Variants in CMSS1 observed in about 807,000 individuals in gnomAD.
CMSS1 encodes the protein cms1 ribosomal small subunit homolog.
In CMSS1, 33 loss-of-function variants were observed where a neutral mutation model predicts 43.5. The observed-to-expected ratio is 0.76, with a 90% CI of 0.57 to 1.01. CMSS1 has a LOEUF of 1.01. CMSS1 is among the 50% of genes least tolerant of loss of function. The pLI is 0.00. For missense variants in CMSS1, 313 were observed against 326.4 expected (o/e 0.96, Z 0.32); for synonymous variants, 115 against 117.2 (o/e 0.98, Z 0.12).
At chr3:99,896,017 C>T (rs183845080) in intron 1 of CMSS1, among the ~76,000 whole-genome samples, 1 of 152,220 alleles carries the variant, frequency 6.6e-6, no homozygotes, top group African/African-American at 2.4e-5. Flanking sequence ...CTGCAGGGAA[C>T]TGCCACGGTT....
In CMSS1 at chr3:100,006,521, A is replaced by AT. The variant is rs547568693; in HGVS notation, c.65-140446dup. 4.6e-3 allele frequency among the ~76,000 whole-genome samples: 692 copies of AT among 152,086 alleles called. 7 individuals carry two copies. Among genetic ancestry groups the AT allele is most frequent in the African/African-American group, 0.016 (674 of 41,472 alleles). On this transcript the variant is annotated intron_variant, in intron 1 of 9. Transcript: ENST00000421999. ...CCCAAAGTCTCCTTTTAAAAAAAGT[A>AT]TTTTTTCTATATAGTCATGAAGGCT...
In CMSS1 at chr3:99,895,605, G is replaced by A. The variant is rs190000597; in HGVS notation, c.64+77562G>A. 6.6e-5 allele frequency among the ~76,000 whole-genome samples: 10 copies of A among 152,176 alleles called. No individual in the cohort carries two copies. The East Asian group carries it at 1.7e-3, about 26-fold the overall frequency. ...CCATGGTAATTTTTTTTAACCTATA[G>A]ATTGGTTTTCGTATACCAAAAGGGG... On this transcript the variant is annotated intron_variant, in intron 1 of 9. Coordinates refer to ENST00000421999, the MANE Select transcript of CMSS1 (RefSeq NM_032359.4).
chr3:99,911,017 A>AGTTG (rs1252811756), intron 1 of CMSS1, among the ~76,000 whole-genome samples: 1 of 152,062 alleles, frequency 6.6e-6, no homozygotes, highest in African/African-American at 2.4e-5. Context: ...TCTCTTTTCC[A>AGTTG]GTTGGTTATA....
intron 1 of CMSS1, among the ~76,000 whole-genome samples, chr3:99,860,993 T>G (rs771724598): frequency 5.9e-5 from 9 of 152,218 alleles, no homozygotes; most frequent in Non-Finnish European, 1.2e-4. Context: ...GAAGGAGCTT[T>G]TAAAAAGTTA....
intron 1 of CMSS1, among the ~76,000 whole-genome samples, chr3:100,014,901 T>TA: frequency 7.0e-6 from 1 of 141,912 alleles, no homozygotes; most frequent in Non-Finnish European, 1.5e-5. Context: ...CTTTCTTTTT[T>TA]TTTTTTTTTT....
intron 1 of CMSS1, among the ~76,000 whole-genome samples, chr3:100,035,551 C>G (rs1227332183): frequency 6.6e-6 from 1 of 152,220 alleles, no homozygotes; most frequent in East Asian, 1.9e-4. Context: ...GCGTGAGACA[C>G]TGCACACAGC....
intron 1 of CMSS1, 93 bp from the exon 2 acceptor site, chr3:100,146,880 G>A: frequency 6.9e-7 from 1 of 1,446,598 alleles, no homozygotes; most frequent in Middle Eastern, 1.9e-4. Flanking sequence ...ATTAAAAAGT[G>A]AAGAGATAGA....
intron 1 of CMSS1, among the ~76,000 whole-genome samples, chr3:99,913,886 A>G (rs1365163393): frequency 6.6e-6 from 1 of 152,228 alleles, no homozygotes; most frequent in Admixed American, 6.5e-5. Flanking sequence ...TGAAGCTACA[A>G]GTTTGTCAGG....
intron 1 of CMSS1, among the ~76,000 whole-genome samples, chr3:100,118,247 G>A (rs974545589): frequency 1.3e-5 from 2 of 151,512 alleles, no homozygotes; most frequent in African/African-American, 4.8e-5. Flanking sequence ...TATGTTCTGT[G>A]TATTTACTAT....
chr3:100,132,874 C>G (rs1222017696), intron 1 of CMSS1, among the ~76,000 whole-genome samples: 3 of 147,486 alleles, frequency 2.0e-5, no homozygotes. Flanking sequence ...ATCAAATGAT[C>G]GCAAATTAGT....
intron 1 of CMSS1, among the ~76,000 whole-genome samples, chr3:99,980,113 G>A (rs565326642): frequency 6.6e-6 from 1 of 152,254 alleles, no homozygotes; most frequent in South Asian, 2.1e-4. Context: ...AATTCAGGCA[G>A]TACAGTACGG....
intron 1 of CMSS1, among the ~76,000 whole-genome samples, chr3:100,088,884 AATGTTTGTTTTTTGTT>A (rs1332680166): frequency 2.0e-5 from 3 of 151,810 alleles, no homozygotes; most frequent in South Asian, 2.1e-4. Flanking sequence ...TTGTGATGTA[AATGTTTGTTTTTTGTT>A]ATGTTTATTT....
intron 1 of CMSS1, among the ~76,000 whole-genome samples, chr3:100,029,640 A>G (rs2064988711): frequency 6.6e-6 from 1 of 152,218 alleles, no homozygotes; most frequent in African/African-American, 2.4e-5. Context: ...AATACTGAGC[A>G]GTTTACTGAC....
At chr3:99,929,950 G>A (rs1250253927) in intron 1 of CMSS1, 1 of 1,614,030 alleles carries the variant, frequency 6.2e-7, no homozygotes, top group South Asian at 1.1e-5. Context: ...CTTTTTTGGA[G>A]TGACAAACCC....
intron 1 of CMSS1, among the ~76,000 whole-genome samples, chr3:99,888,577 A>G (rs1705982684): frequency 4.6e-5 from 7 of 152,218 alleles, no homozygotes; most frequent in Admixed American, 4.6e-4. Context: ...TGTTTGATCC[A>G]TCACTGAAAA....
intron 1 of CMSS1, among the ~76,000 whole-genome samples, chr3:99,883,279 T>G (rs966124509): frequency 6.6e-6 from 1 of 152,198 alleles, no homozygotes; most frequent in East Asian, 1.9e-4. Context: ...TAACTTCCAC[T>G]CATTGTTCTT....
At chr3:100,045,226 C>A (rs1319963548) in intron 1 of CMSS1, among the ~76,000 whole-genome samples, 1 of 152,210 alleles carries the variant, frequency 6.6e-6, no homozygotes, top group African/African-American at 2.4e-5. Context: ...AAGTAATGAT[C>A]TAGCTGTGCA....
intron 1 of CMSS1, among the ~76,000 whole-genome samples, chr3:100,031,079 C>G (rs888124748): frequency 6.6e-6 from 1 of 152,108 alleles, no homozygotes; most frequent in Non-Finnish European, 1.5e-5. Context: ...ATTCCTTTGT[C>G]CAGCTGTCAG....
At chr3:100,132,646 C>T (rs1433975530) in intron 1 of CMSS1, among the ~76,000 whole-genome samples, 1 of 151,464 alleles carries the variant, frequency 6.6e-6, no homozygotes, top group East Asian at 1.9e-4. Flanking sequence ...GGTGAAACCC[C>T]GTCTCTACTA....
Sources: allele counts gnomAD v4.1 joint callset (sites outside exome capture counted in the v4.1 genomes callset), GRCh38; gene constraint gnomAD v4.1.1; transcripts MANE v1.5; gene names NCBI Gene and HGNC (gene_info 2026-07-23, HGNC 2026-07-21).